Variants in GRAMD1B observed in about 807,000 individuals in gnomAD.
GRAMD1B encodes the protein protein Aster-B.
GRAMD1B carries 37 observed loss-of-function variants against 99.7 expected under a neutral mutation model. That is an observed-to-expected ratio of 0.37 (90% confidence interval 0.29 to 0.49). The LOEUF is 0.49. Ranked by LOEUF, GRAMD1B falls within the 20% of genes least tolerant of loss-of-function variation. The pLI is 0.98. For missense variants in GRAMD1B, 888 were observed against 1,009.2 expected, an observed-to-expected ratio of 0.88 and a Z score of 1.63; for synonymous variants, 427 against 387.6, an observed-to-expected ratio of 1.10 and a Z score of -1.19.
intron 1 of GRAMD1B, among the ~76,000 whole-genome samples, chr11:123,467,774 C>T (rs1016625023): frequency 6.6e-6 from 1 of 151,728 alleles, no homozygotes; most frequent in Non-Finnish European, 1.5e-5. Flanking sequence ...TCCAGCACGG[C>T]CTAGCAGGGT....
At chr11:123,548,853 C>A (rs1945329227) in intron 2 of GRAMD1B, among the ~76,000 whole-genome samples, 2 of 152,176 alleles carry the variant, frequency 1.3e-5, no homozygotes, top group African/African-American at 2.4e-5. Flanking sequence ...AAGAGATCCT[C>A]CTGCCACGAC....
rs1472621251 is a variant in GRAMD1B at position 123,609,950 on chromosome 11, G to A, written c.1776+37G>A. 3.4e-6 allele frequency: 4 copies of A among 1,182,564 alleles called. No individual in the cohort carries two copies. The African/African-American group carries it at 6.1e-5, about 18-fold the overall frequency. 73.3% of individuals were successfully genotyped at this position (1,182,564 alleles called of 1,614,324 possible). On this transcript the variant is annotated intron_variant, in intron 13 of 19. Coordinates refer to ENST00000635736, the MANE Select transcript of GRAMD1B (RefSeq NM_001387025.1). Reference sequence around the variant, plus strand: ...CGCGGATGCACAGAAGAGCGAGCTGGAAAATCCTGTGTTCTGTCTTGAAGG... The same window carrying A: ...CGCGGATGCACAGAAGAGCGAGCTGAAAAATCCTGTGTTCTGTCTTGAAGG...
intron 1 of GRAMD1B, among the ~76,000 whole-genome samples, chr11:123,393,314 T>C (rs1489478660): frequency 6.6e-6 from 1 of 152,226 alleles, no homozygotes; most frequent in African/African-American, 2.4e-5. Context: ...CTAATGTCTA[T>C]TATATGTTTC....
At chr11:123,504,124 G>A (rs1475996897) in intron 2 of GRAMD1B, among the ~76,000 whole-genome samples, 6 of 152,096 alleles carry the variant, frequency 3.9e-5, no homozygotes, top group African/African-American at 9.7e-5. Flanking sequence ...TTGCGGGGGC[G>A]GTCTCAGGAA....
chr11:123,527,729 G>A (rs1942944119), intron 2 of GRAMD1B, among the ~76,000 whole-genome samples: 1 of 152,230 alleles, frequency 6.6e-6, no homozygotes, highest in Non-Finnish European at 1.5e-5. Context: ...GGAACACTGG[G>A]CTCTTCATCA....
chr11:123,611,853 AGGGCGGGATG>A (rs982737880), intron 14 of GRAMD1B, among the ~76,000 whole-genome samples: 10 of 135,608 alleles, frequency 7.4e-5, no homozygotes, highest in Non-Finnish European at 1.1e-4. Flanking sequence ...CCTTAGTCAC[AGGGCGGGATG>A]GGGCGGGATG....
Position 123,606,625 on chromosome 11 carries a change from T to C in GRAMD1B, c.1340T>C (p.Leu447Pro), listed in dbSNP as rs1030348550. 1 of 1,611,280 alleles carries C rather than the reference T, an allele frequency of 6.2e-7. No individual in the cohort carries two copies. Among genetic ancestry groups the C allele is most frequent in the Non-Finnish European group, 8.5e-7 (1 of 1,178,978 alleles). ...EAPVSFDGLP[L>P]EEEALEGDGS... ...TGGCTCCAGTTTGATGGGCTGCCCC[T>C]GGAGGAAGAGGCGCTGGAGGGAGAC... Residue 447 changes from leucine to proline, a missense_variant, in exon 11 of 20, where the codon CTG becomes CCG. Transcript: ENST00000635736.
At chr11:123,556,757 C>T (rs1044141416) in intron 2 of GRAMD1B, among the ~76,000 whole-genome samples, 11 of 152,244 alleles carry the variant, frequency 7.2e-5, no homozygotes, top group South Asian at 2.1e-4. Context: ...AGATTGAGTC[C>T]GGAGGCGTAA....
At chr11:123,585,777 C>T (rs376726504) in intron 4 of GRAMD1B, among the ~76,000 whole-genome samples, 54 of 152,338 alleles carry the variant, frequency 3.5e-4, no homozygotes, top group Non-Finnish European at 6.3e-4. Context: ...ACAGGACCCA[C>T]GTGGCTGCAG....
At chr11:123,412,712 G>C (rs913502773) in intron 1 of GRAMD1B, among the ~76,000 whole-genome samples, 1 of 152,106 alleles carries the variant, frequency 6.6e-6, no homozygotes, top group African/African-American at 2.4e-5. Context: ...AATTTTGTCT[G>C]ATTTCATATT....
intron 9 of GRAMD1B, 50 bp downstream of exon 9, chr11:123,603,591 C>T: frequency 2.0e-6 from 2 of 1,014,616 alleles, no homozygotes; most frequent in Non-Finnish European, 1.6e-6. Context: ...CGAGTGCCTG[C>T]AGGAAGAACC....
intron 14 of GRAMD1B, among the ~76,000 whole-genome samples, chr11:123,611,993 C>T (rs1483780515): frequency 6.6e-6 from 1 of 152,092 alleles, no homozygotes; most frequent in African/African-American, 2.4e-5. Flanking sequence ...GAAGTGTGAC[C>T]AGTGACTGGG....
intron 2 of GRAMD1B, among the ~76,000 whole-genome samples, chr11:123,574,872 A>C (rs559993713): frequency 6.6e-6 from 1 of 152,322 alleles, no homozygotes; most frequent in South Asian, 2.1e-4. Flanking sequence ...GGAAGGATTA[A>C]TTGCAGGCTG....
chr11:123,543,950 C>T (rs1944798191), intron 2 of GRAMD1B, among the ~76,000 whole-genome samples: 1 of 152,142 alleles, frequency 6.6e-6, no homozygotes. Context: ...ACTGTCCGGC[C>T]CTTTGCAGAA....
intron 6 of GRAMD1B, among the ~76,000 whole-genome samples, chr11:123,595,345 A>C (rs1387888841): frequency 6.6e-6 from 1 of 151,562 alleles, no homozygotes; most frequent in Non-Finnish European, 1.5e-5. Context: ...ACAATGGCAG[A>C]ATCTTGGCTC....
rs369478346 is a variant in GRAMD1B, at chr11:123,433,817, A to G, written c.374+2651A>G. Among the ~76,000 whole-genome samples the G allele has an allele frequency of 3.0e-4, 44 of 144,694 alleles. No homozygotes were observed. The East Asian group carries it at 6.9e-3, about 23-fold the overall frequency. 94.9% of individuals were successfully genotyped at this position (144,694 alleles called of 152,430 possible). ...GTATTCCTGGTTTCGAGAGTTGTCT[A>G]TGTGTGTAGTGGAACCTTCATTTTG... is the stretch of plus-strand genomic sequence containing the variant. On this transcript the variant is annotated intron_variant, in intron 1 of 19. Coordinates refer to ENST00000635736, the MANE Select transcript of GRAMD1B (RefSeq NM_001387025.1).
At chr11:123,397,242 A>G (rs1240947908) in intron 1 of GRAMD1B, among the ~76,000 whole-genome samples, 1 of 152,012 alleles carries the variant, frequency 6.6e-6, no homozygotes. Context: ...CATCTCTACT[A>G]AAAATACAAA....
At chr11:123,613,294 G>T (rs1053102789) in intron 15 of GRAMD1B, 161 bp from the exon 16 acceptor site, 2 of 610,828 alleles carry the variant, frequency 3.3e-6, no homozygotes, top group African/African-American at 3.7e-5. Flanking sequence ...GTTTGACTGG[G>T]GCTGGGTCCC....
Position 123,526,336 on chromosome 11 carries a change from T to TC in GRAMD1B, c.452+45448dup, listed in dbSNP as rs1187446078. Among the ~76,000 whole-genome samples, 3 of 152,148 alleles carry TC rather than the reference T, an allele frequency of 2.0e-5. No individual in the cohort carries two copies. In the East Asian group the frequency reaches 5.8e-4, roughly 30 times the overall value. On this transcript the variant is annotated intron_variant, in intron 2 of 19. Coordinates refer to ENST00000635736, the MANE Select transcript of GRAMD1B (RefSeq NM_001387025.1). ...TAAAAGTTGGGGTACTCTCCCTGGC[T>TC]CCCCCAGCTGCTGCACTGCTGCACT... is the stretch of plus-strand genomic sequence containing the variant.
Sources: allele counts gnomAD v4.1 joint callset (sites outside exome capture counted in the v4.1 genomes callset), GRCh38; gene constraint gnomAD v4.1.1; transcripts MANE v1.5; gene names NCBI Gene and HGNC (gene_info 2026-07-23, HGNC 2026-07-21).